HMG20A: variants seen among roughly 807,000 people sequenced by gnomAD.
HMG20A encodes high mobility group protein 20A.
A neutral mutation model predicts 43.9 loss-of-function variants in HMG20A; 17 were observed. That is an observed-to-expected ratio of 0.39 (90% CI 0.27 to 0.58). The LOEUF (loss-of-function observed/expected upper bound fraction) is 0.58. HMG20A is among the 20% of genes least tolerant of loss of function. The probability of loss-of-function intolerance (pLI) is 0.59; values close to 1 mark genes in which losing one functional copy is unlikely to be tolerated. For missense variants in HMG20A, 341 were observed against 438.2 expected, an observed-to-expected ratio of 0.78 and a Z score of 1.98; for synonymous variants, 132 against 147.5, an observed-to-expected ratio of 0.89 and a Z score of 0.76.
rs1491508412 is a variant in HMG20A, at chr15:77,443,367, G to GATTATT, written c.-4-15035_-4-15034insTATTAT. Among the ~76,000 whole-genome samples, 102 of 125,984 alleles carry GATTATT rather than the reference G, an allele frequency of 8.1e-4. 1 individual carries two copies. The highest frequency in any genetic ancestry group is 4.0e-3 in the Middle Eastern group (1 of 248). 82.7% of individuals were successfully genotyped at this position (125,984 alleles called of 152,430 possible). A position where few individuals can be genotyped will look rare whatever the true frequency, so the allele number is the denominator to read the frequency against. The stretch of plus-strand genomic sequence containing the variant: ...ATCTATTTTTTATGATGATGATGAT[G>GATTATT]ATGATGATGATGATTATTATTATTA... On this transcript the variant is annotated intron_variant, in intron 1 of 9. Transcript: ENST00000336216.
rs1408438403 is a variant in HMG20A at position 77,461,061 on chromosome 15, G to A, written c.89+2565G>A. Among the ~76,000 whole-genome samples, 8 of 151,860 alleles carry A rather than the reference G, an allele frequency of 5.3e-5. No individual in the cohort carries two copies. The East Asian group carries it at 7.7e-4, about 15-fold the overall frequency. ...TCTAAAGTGAGTTGCTAGAAAGGTC[G>A]CAGAAAAGCCAGAAGAGTGAAGGGT... is the stretch of plus-strand genomic sequence containing the variant. On this transcript the variant is annotated intron_variant, in intron 2 of 9. Transcript: ENST00000336216.
At chr15:77,495,594 C>T in the HMG20A span, among the ~76,000 whole-genome samples, 6 of 152,130 alleles carry the variant, frequency 3.9e-5, no homozygotes, top group South Asian at 6.2e-4. Context: ...AAGTGGAAAA[C>T]GGCATCAAGG....
At chr15:77,432,722 C>CA (rs34459644) in intron 1 of HMG20A, among the ~76,000 whole-genome samples, 24,356 of 77,500 alleles carry the variant, frequency 0.31, 3,726 homozygotes, top group Non-Finnish European at 0.39. Flanking sequence ...AACTCCGACT[C>CA]AAAAAAAAAA....
chr15:77,511,040 A>G, the HMG20A span, among the ~76,000 whole-genome samples: 1 of 152,212 alleles, frequency 6.6e-6, no homozygotes, highest in East Asian at 1.9e-4. Context: ...GAGGTGGCCA[A>G]GTGAGGGCAG....
rs192734152 is a variant in HMG20A at position 77,448,900 on chromosome 15, A to G, written c.-4-9504A>G. Among the ~76,000 whole-genome samples, 72 of 152,046 alleles carry G rather than the reference A, an allele frequency of 4.7e-4. 1 individual carries two copies. The East Asian group carries it at 0.012, about 26-fold the overall frequency. ...AGTTCAAGACCAGCTGGAAAAAAAAAATTAGCTGGACATGGTGGCAGGCAC... is the reference window on the plus strand; with the variant it reads ...AGTTCAAGACCAGCTGGAAAAAAAAGATTAGCTGGACATGGTGGCAGGCAC... On this transcript the variant is annotated intron_variant, in intron 1 of 9. Transcript: ENST00000336216.
chr15:77,458,868 T>G (rs2072680440), intron 2 of HMG20A, among the ~76,000 whole-genome samples: 1 of 152,236 alleles, frequency 6.6e-6, no homozygotes, highest in Admixed American at 6.5e-5. Flanking sequence ...AAAGATCAGA[T>G]TTTTTAATGT....
intron 1 of HMG20A, among the ~76,000 whole-genome samples, chr15:77,443,628 G>A (rs1425368153): frequency 5.9e-5 from 9 of 151,720 alleles, no homozygotes; most frequent in African/African-American, 1.9e-4. Flanking sequence ...CTGACCTCAA[G>A]TGATCCACCC....
chr15:77,435,136 A>T (rs1055775578), intron 1 of HMG20A, among the ~76,000 whole-genome samples: 2 of 152,146 alleles, frequency 1.3e-5, no homozygotes, highest in Non-Finnish European at 2.9e-5. Flanking sequence ...AGTCATAGTA[A>T]TTACTTTTAC....
At chr15:77,463,870 T>G (rs1444121204) in intron 2 of HMG20A, among the ~76,000 whole-genome samples, 2 of 152,216 alleles carry the variant, frequency 1.3e-5, no homozygotes, top group Non-Finnish European at 2.9e-5. Context: ...CTATTCACTT[T>G]TTTCATTAAT....
downstream of HMG20A, among the ~76,000 whole-genome samples, chr15:77,486,930 ATAAG>A (rs2072948460): frequency 6.6e-6 from 1 of 152,240 alleles, no homozygotes; most frequent in Non-Finnish European, 1.5e-5. Flanking sequence ...AACAGCTTAA[ATAAG>A]AAGTGTGTCT....
At chr15:77,441,953 C>G (rs566099950) in intron 1 of HMG20A, among the ~76,000 whole-genome samples, 1 of 152,126 alleles carries the variant, frequency 6.6e-6, no homozygotes, top group East Asian at 1.9e-4. Flanking sequence ...TCGTGTAAGG[C>G]AATTTAGAGT....
chr15:77,467,943 G>T (rs958637449), intron 4 of HMG20A, among the ~76,000 whole-genome samples: 1 of 152,204 alleles, frequency 6.6e-6, no homozygotes, highest in South Asian at 2.1e-4. Flanking sequence ...GCTGCTTTGG[G>T]TTAAAAGTTC....
chr15:77,458,451 C>T lies in HMG20A; in HGVS notation c.44C>T (p.Ala15Val), dbSNP rs1245375398. 1 of 1,613,084 alleles carries T rather than the reference C, an allele frequency of 6.2e-7. No individual in the cohort carries two copies. The highest frequency in any genetic ancestry group is 2.2e-5 in the East Asian group (1 of 44,872). ...AGCTCCACCCTACCGCCCCTTTTTG[C>T]AGATGAAGACGGTTCCAAGGAGAGT... is the stretch of plus-strand genomic sequence containing the variant. Reference protein sequence around the residue: ...MTSSTLPPLFADEDGSKESND... With the variant: ...MTSSTLPPLFVDEDGSKESND... The change falls in exon 2 of 10, where the codon GCA becomes GTA. Residue 15 changes from alanine to valine, a missense_variant. Physicochemically the swap from Ala to Val is moderately conservative, Grantham distance 64. This residue lies in a region of HMG20A where 220 missense variants were observed against 263.6 expected (regional missense o/e 0.83). Transcript: ENST00000336216.
intron 1 of HMG20A, among the ~76,000 whole-genome samples, chr15:77,441,504 G>T (rs955273494): frequency 2.2e-4 from 34 of 152,110 alleles, no homozygotes; most frequent in African/African-American, 8.0e-4. Context: ...AGTTGATTTT[G>T]TTCTTCATGA....
rs146043804 is a variant in HMG20A at position 77,467,535 on chromosome 15, A to G, written c.450+228A>G. Among the ~76,000 whole-genome samples, 268 of 152,286 alleles carry G rather than the reference A, an allele frequency of 1.8e-3. 1 individual carries two copies. The highest frequency in any genetic ancestry group is 6.2e-3 in the African/African-American group (259 of 41,556). Reference sequence around the variant, plus strand: ...GGAGTCTAGGACTCCCCTCAACCAAAGCAACACCACTTTTTATACGCTGAG... The same window carrying G: ...GGAGTCTAGGACTCCCCTCAACCAAGGCAACACCACTTTTTATACGCTGAG... On this transcript the variant is annotated intron_variant, in intron 4 of 9. Coordinates refer to ENST00000336216, the MANE Select transcript of HMG20A (RefSeq NM_001304504.2).
intron 1 of HMG20A, among the ~76,000 whole-genome samples, chr15:77,440,729 T>A (rs1004875884): frequency 4.6e-5 from 7 of 152,196 alleles, no homozygotes; most frequent in African/African-American, 1.7e-4. Context: ...GAATCATATG[T>A]CACTCACTTT....
chr15:77,507,925 T>C, the HMG20A span, among the ~76,000 whole-genome samples: 1 of 149,564 alleles, frequency 6.7e-6, no homozygotes, highest in African/African-American at 2.5e-5. Flanking sequence ...GAGGGGCAGG[T>C]TGGGGAGGTC....
chr15:77,450,457 GTT>G (rs1315105747), intron 1 of HMG20A, among the ~76,000 whole-genome samples: 4 of 152,148 alleles, frequency 2.6e-5, no homozygotes. Flanking sequence ...ATGAAACAAA[GTT>G]TGTATACATT....
chr15:77,491,649 C>T, the HMG20A span, among the ~76,000 whole-genome samples: 5 of 152,078 alleles, frequency 3.3e-5, no homozygotes, highest in East Asian at 7.7e-4. Context: ...CGGCTGTGAG[C>T]GCAGTATTCT....
Sources: allele counts gnomAD v4.1 joint callset (sites outside exome capture counted in the v4.1 genomes callset), GRCh38; gene constraint gnomAD v4.1.1; regional missense constraint gnomAD v4.1.1; transcripts MANE v1.5; gene names NCBI Gene and HGNC (gene_info 2026-07-23, HGNC 2026-07-21).